The following PIDD1 variants were observed in gnomAD, a reference collection of about 807,000 sequenced individuals.
The protein encoded by PIDD1 is p53-induced death domain-containing protein 1.
Under a neutral mutation model 80.0 loss-of-function variants are expected in PIDD1, and 72 were observed. The observed-to-expected ratio is 0.90, with a 90% CI of 0.74 to 1.09. PIDD1 has a LOEUF of 1.09. PIDD1 is among the 50% of genes least tolerant of loss of function. The pLI, the probability that PIDD1 is intolerant of heterozygous loss-of-function variation, is 0.00. For missense variants in PIDD1, 1,329 were observed against 1,228.3 expected (o/e 1.08, Z -1.23); for synonymous variants, 655 against 543.5 (o/e 1.21, Z -2.85).
Position 805,203 on chromosome 11 carries a change from G to A in PIDD1, c.-100C>T, listed in dbSNP as rs1334625684. 2 of 983,104 alleles carry A rather than the reference G, an allele frequency of 2.0e-6. No homozygotes were observed. Among genetic ancestry groups the A allele is most frequent in the Non-Finnish European group, 2.4e-6 (2 of 827,974 alleles). 60.9% of individuals were successfully genotyped at this position (983,104 alleles called of 1,614,324 possible). On this transcript the variant is annotated 5_prime_UTR_variant, in exon 1 of 16. Transcript: ENST00000347755. ...CCTGCGCTGCAGGCGGCGCGCAAAG[G>A]GTGGCTGCTCAGCGGGCGCTCGGCG...
At chr11:805,110 A>C (rs2133814842) in intron 1 of PIDD1, 69 bp downstream of exon 1, 2 of 671,848 alleles carry the variant, frequency 3.0e-6, no homozygotes, top group Non-Finnish European at 1.8e-6. Flanking sequence ...GGGGATGGGA[A>C]CGGCCCCCAG....
In PIDD1 at chr11:802,562, G is replaced by A. The variant is rs531754942; in HGVS notation, c.955C>T (p.Leu319=). ...ALIPEMPRLF[L]TSDLDSFPVT... is the part of the protein sequence containing the mutation. ...CCATACCTGTCCAAATCTGAGGTCA[G>A]GAACAGTCTGGGCATTTCTGGAATG... Residue 319 remains leucine (L), a synonymous_variant, in exon 5 of 16, where the codon CTG becomes TTG. Coordinates refer to ENST00000347755, the MANE Select transcript of PIDD1 (RefSeq NM_145886.4). The A allele has an allele frequency of 3.7e-6, 6 of 1,613,420 alleles. No homozygotes were observed. The East Asian group carries it at 1.3e-4, about 36-fold the overall frequency.
At position 804,233 on chromosome 11, in the gene PIDD1, G is replaced by A. The variant is rs779847146; in HGVS notation, c.156C>T (p.His52=). 11 of 1,612,892 alleles carry A rather than the reference G, an allele frequency of 6.8e-6. No homozygotes were observed. The highest frequency in any genetic ancestry group is 1.7e-5 in the Admixed American group (1 of 59,998). ...GCTGCAGAGGCTGCTGGACACACAG[G>A]TGCAGCAGCTGCTGGCAGCCCCCGG... The part of the protein sequence containing the change: ...LYPGGCQQLL[H]LCVQQPLQLL... The change falls in exon 2 of 16, where the codon CAC becomes CAT. Residue 52 remains histidine, a synonymous_variant. Transcript: ENST00000347755.
At position 803,295 on chromosome 11, in the gene PIDD1, C is replaced by T. The variant is rs199506627; in HGVS notation, c.588G>A (p.Leu196=). The T allele has an allele frequency of 6.2e-7, 1 of 1,613,798 alleles. No homozygotes were observed. The highest frequency in any genetic ancestry group is 1.1e-5 in the South Asian group (1 of 91,076). Residue 196 remains leucine, a synonymous_variant, in exon 3 of 16, where the codon CTG becomes CTA. Transcript: ENST00000347755. ...GATTCTGAGAGAGATCGAGGCGCTG[C>T]AGGGTGGATAGGGCCCCCAGTGCTG... ...LPPALGALST[L]QRLDLSQNLL... is the part of the protein sequence containing the mutation.
At chr11:803,001 C>T in intron 3 of PIDD1, 110 bp from the exon 4 acceptor site, 1 of 1,076,840 alleles carries the variant, frequency 9.3e-7, no homozygotes, top group Non-Finnish European at 1.3e-6. Context: ...CACAGCTGGG[C>T]TCAGAGAACT....
chr11:799,904 C>T lies in PIDD1; in HGVS notation c.2385G>A (p.Val795=). Residue 795 remains valine (V), a synonymous_variant, in exon 15 of 16, where the codon GTG becomes GTA. Coordinates refer to ENST00000347755, the MANE Select transcript of PIDD1 (RefSeq NM_145886.4). ...GFLTQSNLLS[V]AGRLGLDWPA... ...GCCAGTCCAGACCCAGACGCCCAGCCACACTCAGCAGGTTGCTCTGCGTCA... is the reference window on the plus strand; with the variant it reads ...GCCAGTCCAGACCCAGACGCCCAGCTACACTCAGCAGGTTGCTCTGCGTCA... 1 of 1,612,566 alleles carries T rather than the reference C, an allele frequency of 6.2e-7. No individual in the cohort carries two copies. The highest frequency in any genetic ancestry group is 8.5e-7 in the Non-Finnish European group (1 of 1,179,894).
At position 802,785 on chromosome 11, in the gene PIDD1, G is replaced by C. The variant is rs768063646; in HGVS notation, c.816C>G (p.Asp272Glu). The change falls in exon 4 of 16, where the codon GAC becomes GAG. Residue 272 changes from aspartate (D) to glutamate (E), a missense_variant. Physicochemically the swap from Asp to Glu is conservative, Grantham distance 45. Transcript: ENST00000347755. Reference protein sequence around the residue: ...LPLLTRLDLRDNQLRDLPPEL... With the variant: ...LPLLTRLDLRENQLRDLPPEL... ...CAGGGGGCAGGTCCCGGAGCTGGTTGTCCCTCAGGTCGAGCCGGGTGAGGA... is the reference window on the plus strand; with the variant it reads ...CAGGGGGCAGGTCCCGGAGCTGGTTCTCCCTCAGGTCGAGCCGGGTGAGGA... 8 of 1,607,014 alleles carry C rather than the reference G, an allele frequency of 5.0e-6. No individual in the cohort carries two copies. In the African/African-American group the frequency reaches 1.1e-4, roughly 21 times the overall value.
Position 799,373 on chromosome 11 carries a change from C to T in PIDD1, c.2667G>A (p.Leu889=), listed in dbSNP as rs1186686885. 2.5e-6 allele frequency: 4 copies of T among 1,611,738 alleles called. No homozygotes were observed. In the East Asian group the frequency reaches 8.9e-5, roughly 36 times the overall value. The part of the protein sequence containing the change: ...KYQDSIRRMG[L]APKDPALPGS... ...CAGGCAGAGCGGGGTCCTTGGGGGC[C>T]AAGCCCATGCGTCGGATGCTGTCCT... Residue 889 remains leucine, a synonymous_variant, in exon 16 of 16, where the codon TTG becomes TTA. Transcript: ENST00000347755.
chr11:805,810 T>G (rs1323189679), upstream of PIDD1: 2 of 469,204 alleles, frequency 4.3e-6, no homozygotes, highest in Non-Finnish European at 2.8e-6. Flanking sequence ...CGTTAAGAGA[T>G]AAAATATTGA....
Position 800,364 on chromosome 11 carries a change from A to G in PIDD1, c.2129T>C (p.Leu710Pro), listed in dbSNP as rs1434801977. The change falls in exon 13 of 16, where the codon CTG becomes CCG. Residue 710 changes from leucine (L) to proline (P), a missense_variant. Transcript: ENST00000347755. ...CCGCACAGCCTGAGCCTCCCGGTCC[A>G]GAGTGGTGGTCACGTATACCTCCTT... ...NVKEVYVTTT[L>P]DREAQAVRGQ... 1.9e-6 allele frequency: 3 copies of G among 1,610,526 alleles called. No individual in the cohort carries two copies. The highest frequency in any genetic ancestry group is 1.7e-5 in the Admixed American group (1 of 59,852).
chr11:799,573 C>T lies in PIDD1; in HGVS notation c.2475-8G>A. Reference sequence around the variant, plus strand: ...TGCTCATCCAGATCATCCCTGCAGGCAGAGGATGGGCGACAGAGGGGTCCT... The same window carrying T: ...TGCTCATCCAGATCATCCCTGCAGGTAGAGGATGGGCGACAGAGGGGTCCT... On this transcript the variant is annotated splice_region_variant and splice_polypyrimidine_tract_variant and intron_variant, in intron 15 of 15. Coordinates refer to ENST00000347755, the MANE Select transcript of PIDD1 (RefSeq NM_145886.4). The T allele has an allele frequency of 6.3e-7, 1 of 1,588,974 alleles. No homozygotes were observed. Among genetic ancestry groups the T allele is most frequent in the Non-Finnish European group, 8.5e-7 (1 of 1,171,620 alleles).
chr11:800,381 TACCTCCTTC>T lies in PIDD1; in HGVS notation c.2103_2111del (p.Lys702_Val704del). On this transcript the variant is annotated inframe_deletion, in exon 13 of 16. Transcript: ENST00000347755. ...CCCGGTCCAGAGTGGTGGTCACGTA[TACCTCCTTC>T]ACATTCTTCAGGTGCGAGTAGAAGA... 1 of 1,603,370 alleles carries T rather than the reference TACCTCCTTC, an allele frequency of 6.2e-7. No homozygotes were observed. The highest frequency in any genetic ancestry group is 2.2e-5 in the East Asian group (1 of 44,578).
At chr11:804,642 G>T (rs1211073611) in intron 1 of PIDD1, 179 bp from the exon 2 acceptor site, 1 of 541,654 alleles carries the variant, frequency 1.8e-6, no homozygotes, top group Non-Finnish European at 3.0e-6. Context: ...CTGGAAAGAG[G>T]GTTGGGGAAT....
At chr11:809,441 C>G (rs1170590546), upstream of PIDD1, 1 of 152,260 alleles carries the variant, frequency 6.6e-6, no homozygotes, top group Non-Finnish European at 1.5e-5. Flanking sequence ...CGTGGGACCA[C>G]CGGTCGCCGC....
intron 9 of PIDD1, 40 bp downstream of exon 9, chr11:801,178 A>G (rs1342879401): frequency 1.3e-6 from 2 of 1,544,566 alleles, no homozygotes; most frequent in African/African-American, 1.4e-5. Flanking sequence ...CCTCCACCCT[A>G]TGGCCACAGG....
chr11:807,997 C>T (rs2133826552), upstream of PIDD1, among the ~76,000 whole-genome samples: 1 of 152,276 alleles, frequency 6.6e-6, no homozygotes, highest in East Asian at 1.9e-4. Flanking sequence ...AGGCAAAATA[C>T]TGTATTATTT....
At chr11:808,158 G>A (rs1288548667), upstream of PIDD1, among the ~76,000 whole-genome samples, 1 of 152,064 alleles carries the variant, frequency 6.6e-6, no homozygotes. Context: ...TGGGCACAGT[G>A]GCTCGTGCCT....
At position 803,488 on chromosome 11, in the gene PIDD1, A is replaced by AGGTCCAGGT; in HGVS notation, c.386_394dup (p.His129_Asp131dup). Reference sequence around the variant, plus strand: ...CAGTGTCTCCAGGCTGTTGAAGCTCAGGTCCAGGTGGGCCAGATGGGCCAG... The same window carrying AGGTCCAGGT: ...CAGTGTCTCCAGGCTGTTGAAGCTCAGGTCCAGGTGGTCCAGGTGGGCCAGATGGGCCAG... On this transcript the variant is annotated inframe_insertion, in exon 3 of 16. Transcript: ENST00000347755. 6.2e-7 allele frequency: 1 copy of AGGTCCAGGT among 1,611,588 alleles called. No individual in the cohort carries two copies. The highest frequency in any genetic ancestry group is 8.5e-7 in the Non-Finnish European group (1 of 1,178,200).
At position 802,783 on chromosome 11, in the gene PIDD1, T is replaced by A; in HGVS notation, c.818A>T (p.Asn273Ile). Residue 273 changes from asparagine to isoleucine, a missense_variant, in exon 4 of 16, where the codon AAC becomes ATC. Coordinates refer to ENST00000347755, the MANE Select transcript of PIDD1 (RefSeq NM_145886.4). ...PLLTRLDLRD[N>I]QLRDLPPELL... Reference sequence around the variant, plus strand: ...CTCAGGGGGCAGGTCCCGGAGCTGGTTGTCCCTCAGGTCGAGCCGGGTGAG... The same window carrying A: ...CTCAGGGGGCAGGTCCCGGAGCTGGATGTCCCTCAGGTCGAGCCGGGTGAG... 6.2e-7 allele frequency: 1 copy of A among 1,607,958 alleles called. No homozygotes were observed. Among genetic ancestry groups the A allele is most frequent in the Non-Finnish European group, 8.5e-7 (1 of 1,177,966 alleles).
Sources: allele counts gnomAD v4.1 joint callset (sites outside exome capture counted in the v4.1 genomes callset), GRCh38; gene constraint gnomAD v4.1.1; transcripts MANE v1.5; gene names NCBI Gene and HGNC (gene_info 2026-07-23, HGNC 2026-07-21).